The following KCTD9 variants were observed in gnomAD, a reference collection of about 807,000 sequenced individuals.
The protein encoded by KCTD9 is BTB/POZ domain-containing protein KCTD9.
In KCTD9, 17 loss-of-function variants were observed where a neutral mutation model predicts 53.3. The ratio of observed to expected loss-of-function variants is 0.32; its 90% CI spans 0.22 to 0.48. The LOEUF (loss-of-function observed/expected upper bound fraction) is 0.48. Ranked by LOEUF, KCTD9 falls within the 20% of genes least tolerant of loss-of-function variation. The probability of loss-of-function intolerance (pLI) is 0.99; values close to 1 mark genes in which losing one functional copy is unlikely to be tolerated. For synonymous variants in KCTD9, 128 were observed against 162.7 expected (o/e 0.79, Z 1.62); for missense variants, 179 against 465.5 (o/e 0.38, Z 5.66).
chr8:25,440,703 A>G (rs1406873546), intron 3 of KCTD9, 30 bp from the exon 4 acceptor site: 1 of 1,420,210 alleles, frequency 7.0e-7, no homozygotes, highest in Non-Finnish European at 1.0e-6. Flanking sequence ...AATAATACAA[A>G]TATTAAGATT....
chr8:25,434,288 C>T (rs996084042), intron 9 of KCTD9, among the ~76,000 whole-genome samples: 2 of 152,008 alleles, frequency 1.3e-5, no homozygotes, highest in Admixed American at 6.6e-5. Flanking sequence ...TTAGTAGAGA[C>T]GGGGTTTCGC....
intron 1 of KCTD9, chr8:25,457,369 A>C: frequency 1.0e-6 from 1 of 985,274 alleles, no homozygotes; most frequent in Middle Eastern, 5.2e-4. Flanking sequence ...TGCCTCGAAC[A>C]GTGAAAATTT....
chr8:25,430,002 T>C (rs779936488), intron 11 of KCTD9, 29 bp from the exon 12 acceptor site: 1 of 1,230,792 alleles, frequency 8.1e-7, no homozygotes, highest in Non-Finnish European at 1.2e-6. Flanking sequence ...ATTCATGTAA[T>C]TCATGTGGAA....
chr8:25,436,387 G>A (rs776620194), intron 7 of KCTD9, 31 bp downstream of exon 7: 7 of 1,598,518 alleles, frequency 4.4e-6, no homozygotes, highest in Non-Finnish European at 5.1e-6. Flanking sequence ...TACAATGAAT[G>A]TAACACTGGC....
In KCTD9 at chr8:25,444,316, C is replaced by T; in HGVS notation, c.190G>A (p.Val64Ile). ...ALIRDDDVLFVCEGEPFIDPQ... is the reference protein window; with the variant it reads ...ALIRDDDVLFICEGEPFIDPQ... ...CCAATAAATGGCTCTCCTTCACAAA[C>T]AAACAAAACATCATCATCCCTGGGG... Residue 64 changes from valine to isoleucine, a missense_variant, in exon 3 of 12, where the codon GTT becomes ATT. Val to Ile is a conservative substitution (Grantham distance 29, BLOSUM62 3). Transcript: ENST00000221200. The T allele has an allele frequency of 6.3e-7, 1 of 1,591,156 alleles. No individual in the cohort carries two copies. Among genetic ancestry groups the T allele is most frequent in the South Asian group, 1.1e-5 (1 of 89,180 alleles).
chr8:25,445,293 T>C (rs1467255487), intron 2 of KCTD9, among the ~76,000 whole-genome samples: 3 of 152,176 alleles, frequency 2.0e-5, no homozygotes, highest in Non-Finnish European at 2.9e-5. Context: ...GCTTCACAGG[T>C]AATTCGTTTC....
rs1400498618 is a variant in KCTD9 at position 25,429,800 on chromosome 8, A to T, written c.*57T>A. The T allele has an allele frequency of 1.1e-6, 1 of 871,662 alleles. No individual in the cohort carries two copies. The highest frequency in any genetic ancestry group is 2.0e-6 in the Non-Finnish European group (1 of 511,406). 54.0% of individuals were successfully genotyped at this position (871,662 alleles called of 1,614,324 possible). A position where few individuals can be genotyped will look rare whatever the true frequency, so the allele number is the denominator to read the frequency against. ...TAGACAACTGAGTGGGTGGAGAAAG[A>T]AAAGTGATAAGGAAAACATTTTCAT... On this transcript the variant is annotated 3_prime_UTR_variant, in exon 12 of 12. Coordinates refer to ENST00000221200, the MANE Select transcript of KCTD9 (RefSeq NM_017634.4).
In KCTD9 at chr8:25,439,588, A is replaced by G; in HGVS notation, c.370+18T>C. On this transcript the variant is annotated intron_variant, in intron 5 of 11. Transcript: ENST00000221200. ...AAAACAGGTAAGATGAAATGTGAAAACAACGTGTTACACTCACCTTTGTCC... is the reference window on the plus strand; with the variant it reads ...AAAACAGGTAAGATGAAATGTGAAAGCAACGTGTTACACTCACCTTTGTCC... 6.2e-7 allele frequency: 1 copy of G among 1,613,724 alleles called. No individual in the cohort carries two copies. The highest frequency in any genetic ancestry group is 1.7e-5 in the Admixed American group (1 of 59,996).
At chr8:25,432,877 T>C (rs777447404) in intron 10 of KCTD9, among the ~76,000 whole-genome samples, 1 of 152,214 alleles carries the variant, frequency 6.6e-6, no homozygotes, top group Non-Finnish European at 1.5e-5. Flanking sequence ...AATATGCCTC[T>C]ACAGGTTTAT....
In KCTD9 at chr8:25,436,491, A is replaced by G. The variant is rs1216179354; in HGVS notation, c.500-6T>C. On this transcript the variant is annotated splice_polypyrimidine_tract_variant and splice_region_variant and intron_variant, in intron 6 of 11. Transcript: ENST00000221200. ...TCTTGCTTCTTCTAACACACCTATC[A>G]GAACAAAAATAATTCTGAAACAACC... 2.6e-6 allele frequency: 4 copies of G among 1,535,514 alleles called. No individual in the cohort carries two copies. The highest frequency in any genetic ancestry group is 2.6e-6 in the Non-Finnish European group (3 of 1,140,084).
At chr8:25,456,218 C>T (rs1802431261) in intron 1 of KCTD9, among the ~76,000 whole-genome samples, 1 of 152,152 alleles carries the variant, frequency 6.6e-6, no homozygotes, top group South Asian at 2.1e-4. Flanking sequence ...AACCAGGAAA[C>T]AAAAGCAGAA....
At chr8:25,444,584 A>G (rs1802182206) in intron 2 of KCTD9, among the ~76,000 whole-genome samples, 1 of 152,174 alleles carries the variant, frequency 6.6e-6, no homozygotes, top group Non-Finnish European at 1.5e-5. Context: ...ATCTCCTTAC[A>G]CAAACGATGT....
Position 25,441,912 on chromosome 8 carries a change from G to C in KCTD9, c.215-1239C>G, listed in dbSNP as rs1802130436. Among the ~76,000 whole-genome samples, 3 of 152,092 alleles carry C rather than the reference G, an allele frequency of 2.0e-5. No individual in the cohort carries two copies. In the South Asian group the frequency reaches 6.2e-4, roughly 32 times the overall value. ...AGCTCCTGGTTGGGGGCTGAGGCAG[G>C]AGGATCACTTGAACCCAGGAGGTTG... On this transcript the variant is annotated intron_variant, in intron 3 of 11. Coordinates refer to ENST00000221200, the MANE Select transcript of KCTD9 (RefSeq NM_017634.4).
intron 9 of KCTD9, among the ~76,000 whole-genome samples, chr8:25,434,709 T>C (rs563560002): frequency 6.6e-6 from 1 of 152,256 alleles, no homozygotes; most frequent in Admixed American, 6.5e-5. Flanking sequence ...AATAAATGAC[T>C]ACCAAAAGCA....
At chr8:25,439,256 A>G (rs572795036) in intron 6 of KCTD9, 23 bp downstream of exon 6, 17 of 1,560,636 alleles carry the variant, frequency 1.1e-5, no homozygotes, top group Admixed American at 5.8e-5. Flanking sequence ...ACATAATTAT[A>G]TTGAAAGTCT....
At position 25,428,905 on chromosome 8, in the gene KCTD9, T is replaced by C. The variant is rs891412994; in HGVS notation, c.*952A>G. ...TTGATTGCAGTAGCTCTGGATTTAG[T>C]ATCTATTTCTAAGCTGGCCCTATGT... On this transcript the variant is annotated 3_prime_UTR_variant, in exon 12 of 12. Transcript: ENST00000221200. 5.3e-5 allele frequency: 8 copies of C among 152,212 alleles called. No homozygotes were observed. The highest frequency in any genetic ancestry group is 1.2e-4 in the Non-Finnish European group (8 of 68,036). The allele number at this position is 152,212 out of a possible 1,614,324, so 9.4% of individuals were successfully genotyped here.
intron 1 of KCTD9, among the ~76,000 whole-genome samples, chr8:25,453,213 T>C (rs1182890199): frequency 6.6e-6 from 1 of 151,000 alleles, no homozygotes; most frequent in African/African-American, 2.4e-5. Flanking sequence ...AAAAATTAGC[T>C]GGGAGTGGTG....
At chr8:25,452,444 C>A (rs1802345872) in intron 1 of KCTD9, among the ~76,000 whole-genome samples, 1 of 152,134 alleles carries the variant, frequency 6.6e-6, no homozygotes, top group Admixed American at 6.5e-5. Context: ...TGTGTCTATA[C>A]CTTAGAGTGG....
chr8:25,436,768 T>C (rs1765651223), intron 6 of KCTD9, among the ~76,000 whole-genome samples: 1 of 151,540 alleles, frequency 6.6e-6, no homozygotes, highest in Non-Finnish European at 1.5e-5. Flanking sequence ...CTAAAAGAGC[T>C]TTCATTTATC....
Sources: gnomAD v4.1 joint callset for allele counts (sites outside exome capture counted in the v4.1 genomes callset) on GRCh38, gnomAD v4.1.1 for gene constraint, MANE v1.5 for transcripts, NCBI Gene and HGNC (gene_info 2026-07-23, HGNC 2026-07-21) for gene names.